Variants in ANAPC7 observed in about 807,000 individuals in gnomAD.
The protein encoded by ANAPC7 is anaphase-promoting complex subunit 7.
ANAPC7 carries 25 observed loss-of-function variants against 63.3 expected under a neutral mutation model. The ratio of observed to expected loss-of-function variants is 0.39; its 90% CI spans 0.29 to 0.55. ANAPC7 has a LOEUF of 0.55. ANAPC7 is among the 20% of genes least tolerant of loss of function. ANAPC7 has a pLI of 0.57. For synonymous variants in ANAPC7, 241 were observed against 251.7 expected, an observed-to-expected ratio of 0.96 and a Z score of 0.40; for missense variants, 516 against 691.7, an observed-to-expected ratio of 0.75 and a Z score of 2.85.
intron 7 of ANAPC7, 119 bp from the exon 8 acceptor site, chr12:110,382,067 C>G: frequency 1.0e-6 from 1 of 1,000,000 alleles, no homozygotes; most frequent in Non-Finnish European, 1.4e-6. Flanking sequence ...TTATTCCAAA[C>G]CACACTTATA....
intron 4 of ANAPC7, 74 bp from the exon 5 acceptor site, chr12:110,387,966 A>T (rs1882763235): frequency 1.3e-6 from 2 of 1,529,516 alleles, no homozygotes; most frequent in East Asian, 2.3e-5. Flanking sequence ...GCAACGGGCT[A>T]CATCTTCCCT....
intron 1 of ANAPC7, among the ~76,000 whole-genome samples, chr12:110,399,490 A>G (rs2062193643): frequency 3.9e-5 from 6 of 151,908 alleles, no homozygotes; most frequent in African/African-American, 9.7e-5. Context: ...GGCATCATAC[A>G]TTAGTGTTTG....
At chr12:110,383,884 A>G (rs1426808912) in intron 6 of ANAPC7, among the ~76,000 whole-genome samples, 1 of 141,068 alleles carries the variant, frequency 7.1e-6, no homozygotes, top group Non-Finnish European at 1.5e-5. Context: ...TCAAAAAAAA[A>G]AAAAAAAAAA....
In ANAPC7 at chr12:110,377,589, G is replaced by A. The variant is rs765654625; in HGVS notation, c.1161C>T (p.Asn387=). The A allele has an allele frequency of 6.2e-6, 10 of 1,614,076 alleles. No homozygotes were observed. The highest frequency in any genetic ancestry group is 8.5e-6 in the Non-Finnish European group (10 of 1,180,036). ...EGLIECYLAS[N]SIREAMVMAN... ...CCATTACCATTGCTTCTCGAATACT[G>A]TTGGAGGCTAAGTAACATTCGATAA... Residue 387 remains asparagine (N), a synonymous_variant, in exon 9 of 11, where the codon AAC becomes AAT. Transcript: ENST00000455511.
intron 3 of ANAPC7, among the ~76,000 whole-genome samples, chr12:110,392,741 G>A (rs1166651406): frequency 6.6e-6 from 1 of 152,108 alleles, no homozygotes; most frequent in Non-Finnish European, 1.5e-5. Flanking sequence ...AGTTCACACT[G>A]CACACAGCTT....
At chr12:110,375,692 G>A (rs1035379198) in intron 10 of ANAPC7, 6 of 952,194 alleles carry the variant, frequency 6.3e-6, no homozygotes, top group Non-Finnish European at 7.5e-6. Context: ...AATGACTACA[G>A]TAGATAGAAA....
intron 9 of ANAPC7, among the ~76,000 whole-genome samples, chr12:110,377,074 T>C (rs1331464467): frequency 6.7e-6 from 1 of 149,404 alleles, no homozygotes; most frequent in South Asian, 2.1e-4. Flanking sequence ...GAGGCGGAGG[T>C]TGCAGTGAGC....
At chr12:110,375,465 A>T in intron 10 of ANAPC7, 1 of 985,118 alleles carries the variant, frequency 1.0e-6, no homozygotes, top group Non-Finnish European at 1.2e-6. Context: ...CAAAGAAACC[A>T]CTTCTGTATT....
chr12:110,393,735 C>T (rs1043428847), intron 3 of ANAPC7, among the ~76,000 whole-genome samples: 15 of 151,932 alleles, frequency 9.9e-5, no homozygotes, highest in Admixed American at 3.9e-4. Context: ...GGCATGGTGG[C>T]GCATGCCTGT....
At chr12:110,377,230 G>A (rs982529396) in intron 9 of ANAPC7, among the ~76,000 whole-genome samples, 163 bp downstream of exon 9, 2 of 151,578 alleles carry the variant, frequency 1.3e-5, no homozygotes, top group African/African-American at 2.4e-5. Context: ...AGCCAGCTAC[G>A]TTTGGTTGGG....
At chr12:110,379,420 G>A (rs879799906) in intron 8 of ANAPC7, among the ~76,000 whole-genome samples, 3 of 152,192 alleles carry the variant, frequency 2.0e-5, no homozygotes, top group Non-Finnish European at 4.4e-5. Flanking sequence ...GGCCAACTGG[G>A]AAACATCCGC....
intron 1 of ANAPC7, among the ~76,000 whole-genome samples, chr12:110,399,328 T>A (rs148336599): frequency 1.3e-5 from 2 of 150,870 alleles, no homozygotes; most frequent in Non-Finnish European, 3.0e-5. Context: ...CCGAGTCGAA[T>A]AATTCTGTAG....
chr12:110,387,434 C>CGAGAGAGAGAGAGAGA (rs1882711632), intron 5 of ANAPC7: 1 of 19,584 alleles, frequency 5.1e-5, no homozygotes, highest in Admixed American at 5.7e-4. Flanking sequence ...AGAGAGAGAC[C>CGAGAGAGAGAGAGAGA]GACCTTGTCT....
At chr12:110,388,480 A>G (rs372296802) in intron 4 of ANAPC7, 32 bp downstream of exon 4, 53 of 1,521,840 alleles carry the variant, frequency 3.5e-5, no homozygotes, top group Non-Finnish European at 7.3e-6. Flanking sequence ...GACAGTAAAC[A>G]TGCCATGAAA....
intron 6 of ANAPC7, 46 bp downstream of exon 6, chr12:110,386,280 TC>T (rs143532376): frequency 6.8e-6 from 11 of 1,608,510 alleles, no homozygotes; most frequent in African/African-American, 4.0e-5. Context: ...TTATCTCTGA[TC>T]CCCCCCAACA....
chr12:110,375,431 C>A, intron 10 of ANAPC7: 1 of 985,416 alleles, frequency 1.0e-6, no homozygotes, highest in Non-Finnish European at 1.2e-6. Flanking sequence ...TTCACCATAA[C>A]CTTACAGACA....
chr12:110,382,459 AAAATATATATAT>A lies in ANAPC7; in HGVS notation c.935+372_935+383del, dbSNP rs1370382861. Among the ~76,000 whole-genome samples the A allele has an allele frequency of 1.4e-3, 71 of 51,960 alleles. 1 individual carries two copies. Among genetic ancestry groups the A allele is most frequent in the African/African-American group, 5.5e-3 (67 of 12,246 alleles). The allele number at this position is 51,960 out of a possible 152,430, so 34.1% of individuals were successfully genotyped here. ...ATCCTTTTAAAAAAAAAAAAAAAAAAAAATATATATATATATATATATATATATATATATATT... is the reference window on the plus strand; with the variant it reads ...ATCCTTTTAAAAAAAAAAAAAAAAAAATATATATATATATATATATATATT... On this transcript the variant is annotated intron_variant, in intron 7 of 10. Transcript: ENST00000455511.
rs1337566949 is a variant in ANAPC7, at chr12:110,403,689, C to T, written c.-62G>A. 6.4e-7 allele frequency: 1 copy of T among 1,553,258 alleles called. No individual in the cohort carries two copies. Among genetic ancestry groups the T allele is most frequent in the African/African-American group, 1.4e-5 (1 of 73,228 alleles). ...TGACTCGAAAAGCCGGTAGAGGATC[C>T]TTAGGGAAGACTCCAAAATGGCGGC... On this transcript the variant is annotated 5_prime_UTR_variant, in exon 1 of 11. Coordinates refer to ENST00000455511, the MANE Select transcript of ANAPC7 (RefSeq NM_016238.3).
chr12:110,375,879 T>TA (rs1369127343), intron 10 of ANAPC7, 187 bp downstream of exon 10: 2 of 1,320,266 alleles, frequency 1.5e-6, no homozygotes, highest in Admixed American at 6.9e-5. Flanking sequence ...CTAATGTTGT[T>TA]AATATATTTT....
Sources: allele counts gnomAD v4.1 joint callset (sites outside exome capture counted in the v4.1 genomes callset), GRCh38; gene constraint gnomAD v4.1.1; transcripts MANE v1.5; gene names NCBI Gene and HGNC (gene_info 2026-07-23, HGNC 2026-07-21).